The following SPECC1L variants were observed in gnomAD, a reference collection of about 807,000 sequenced individuals.
SPECC1L encodes cytospin-A.
In SPECC1L, 40 loss-of-function variants were observed where a neutral mutation model predicts 116.8. The ratio of observed to expected loss-of-function variants is 0.34; its 90% CI spans 0.27 to 0.45. SPECC1L has a LOEUF of 0.45. SPECC1L is among the 20% of genes least tolerant of loss of function. The pLI is 1.00. For missense variants in SPECC1L, 1,110 were observed against 1,373.6 expected, an observed-to-expected ratio of 0.81 and a Z score of 3.03; for synonymous variants, 504 against 500.6, an observed-to-expected ratio of 1.01 and a Z score of -0.09.
At chr22:24,306,635 C>T (rs541032403) in intron 3 of SPECC1L, among the ~76,000 whole-genome samples, 45 of 152,294 alleles carry the variant, frequency 3.0e-4, no homozygotes, top group East Asian at 2.5e-3. Context: ...TCTCCTGTGA[C>T]GGTGGGATTT....
intron 11 of SPECC1L, among the ~76,000 whole-genome samples, chr22:24,355,821 G>T: frequency 2.1e-5 from 3 of 144,526 alleles, no homozygotes; most frequent in African/African-American, 2.6e-5. Context: ...CCCTCCCCCC[G>T]TTCTGTTTTT....
At chr22:24,366,482 C>A (rs1475885772) in intron 13 of SPECC1L, among the ~76,000 whole-genome samples, 3 of 152,092 alleles carry the variant, frequency 2.0e-5, no homozygotes, top group African/African-American at 7.2e-5. Context: ...TGTGAGCCAC[C>A]GTGCCTGGCC....
chr22:24,401,978 C>T (rs146487984), intron 14 of SPECC1L, among the ~76,000 whole-genome samples: 161 of 152,102 alleles, frequency 1.1e-3, no homozygotes, highest in African/African-American at 3.7e-3. Context: ...AGCTCCACCT[C>T]GGCCGCCTGC....
intron 2 of SPECC1L, among the ~76,000 whole-genome samples, chr22:24,278,787 A>T (rs2146329652): frequency 6.6e-6 from 1 of 152,372 alleles, no homozygotes; most frequent in Middle Eastern, 3.4e-3. Context: ...AATTACTGGA[A>T]TAGGTATTAC....
chr22:24,304,388 T>C (rs890395801), intron 3 of SPECC1L: 17 of 152,348 alleles, frequency 1.1e-4, no homozygotes, highest in African/African-American at 3.6e-4. Context: ...AAGGACTCTT[T>C]TGATCCAGGA....
At chr22:24,312,837 A>T (rs1224276376) in intron 3 of SPECC1L, among the ~76,000 whole-genome samples, 1 of 152,206 alleles carries the variant, frequency 6.6e-6, no homozygotes, top group Non-Finnish European at 1.5e-5. Flanking sequence ...TTGTGACTAA[A>T]ATTTGATTAC....
intron 14 of SPECC1L, among the ~76,000 whole-genome samples, chr22:24,379,078 G>A (rs1222395622): frequency 3.3e-5 from 5 of 151,234 alleles, no homozygotes; most frequent in Admixed American, 2.0e-4. Flanking sequence ...TATAACCTAA[G>A]TTTTAAATTT....
chr22:24,380,132 A>G (rs1205376949), intron 14 of SPECC1L, among the ~76,000 whole-genome samples: 9 of 152,170 alleles, frequency 5.9e-5, no homozygotes, highest in Non-Finnish European at 4.4e-5. Context: ...CAGCCTCCCA[A>G]AGTGCTGGGA....
chr22:24,305,149 GTGTTT>G (rs1444814424), intron 3 of SPECC1L, among the ~76,000 whole-genome samples: 1 of 152,174 alleles, frequency 6.6e-6, no homozygotes, highest in African/African-American at 2.4e-5. Flanking sequence ...ATGCAGAGTT[GTGTTT>G]TGTTTTGTTT....
chr22:24,411,251 C>A (rs2042692161), intron 14 of SPECC1L, among the ~76,000 whole-genome samples: 1 of 152,194 alleles, frequency 6.6e-6, no homozygotes, highest in Non-Finnish European at 1.5e-5. Context: ...CACCCACATC[C>A]TCTGGTCTGT....
At chr22:24,365,779 T>C in intron 13 of SPECC1L, 147 bp downstream of exon 13, 1 of 844,248 alleles carries the variant, frequency 1.2e-6, no homozygotes. Context: ...ATATCCAGAA[T>C]TGAGTAAATG....
chr22:24,274,718 A>G (rs1345316972), intron 1 of SPECC1L, among the ~76,000 whole-genome samples: 2 of 152,188 alleles, frequency 1.3e-5, no homozygotes, highest in Non-Finnish European at 2.9e-5. Context: ...TTTCCAAACT[A>G]TTAATCTGTT....
chr22:24,275,529 T>G (rs2048819858), intron 1 of SPECC1L, among the ~76,000 whole-genome samples: 1 of 152,018 alleles, frequency 6.6e-6, no homozygotes, highest in Non-Finnish European at 1.5e-5. Flanking sequence ...TCACTTCCCT[T>G]TTTTCTCTTG....
intron 12 of SPECC1L, among the ~76,000 whole-genome samples, chr22:24,364,211 A>G (rs1269491229): frequency 1.3e-5 from 2 of 152,298 alleles, no homozygotes; most frequent in Non-Finnish European, 2.9e-5. Context: ...GCCTACTCCC[A>G]CTGAACAGTT....
At chr22:24,330,556 G>A (rs2040917391) in intron 8 of SPECC1L, 125 bp downstream of exon 8, 1 of 1,036,772 alleles carries the variant, frequency 9.6e-7, no homozygotes, top group Non-Finnish European at 1.5e-6. Context: ...TCTGATGGAA[G>A]TTACTCAGCT....
At chr22:24,323,013 G>A in intron 5 of SPECC1L, 95 bp downstream of exon 5, 1 of 1,532,470 alleles carries the variant, frequency 6.5e-7, no homozygotes, top group Non-Finnish European at 8.7e-7. Flanking sequence ...TTGGTTTGGT[G>A]TGTTATTAGC....
In SPECC1L at chr22:24,381,364, C is replaced by T. The variant is rs532840655; in HGVS notation, c.3087+12044C>T. Among the ~76,000 whole-genome samples the T allele has an allele frequency of 3.9e-5, 6 of 152,124 alleles. No individual in the cohort carries two copies. In the South Asian group the frequency reaches 6.2e-4, roughly 16 times the overall value. On this transcript the variant is annotated intron_variant, in intron 14 of 16. Transcript: ENST00000314328. The stretch of plus-strand genomic sequence containing the variant: ...GTACAAAATAGTTTAAATAAATGAA[C>T]AAAATATTTTAGTGCTGCCTGAGGT...
At position 24,327,057 on chromosome 22, in the gene SPECC1L, A is replaced by G. The variant is rs560152011; in HGVS notation, c.2147-1789A>G. On this transcript the variant is annotated intron_variant, in intron 6 of 16. Coordinates refer to ENST00000314328, the MANE Select transcript of SPECC1L (RefSeq NM_015330.6). ...CACTTTGGGAGGCCGAGGCGGGTGG[A>G]TCATGAGGTCAGGAGTTCAAGACCA... is the stretch of plus-strand genomic sequence containing the variant. Among the ~76,000 whole-genome samples, 167 of 152,056 alleles carry G rather than the reference A, an allele frequency of 1.1e-3. 1 individual carries two copies. The highest frequency in any genetic ancestry group is 3.5e-3 in the African/African-American group (147 of 41,498).
At chr22:24,273,380 A>G (rs1441224467) in intron 1 of SPECC1L, among the ~76,000 whole-genome samples, 5 of 152,256 alleles carry the variant, frequency 3.3e-5, no homozygotes, top group Admixed American at 1.3e-4. Flanking sequence ...AATTTATTCA[A>G]TTGAAGGACT....
Sources: allele counts gnomAD v4.1 joint callset (sites outside exome capture counted in the v4.1 genomes callset), GRCh38; gene constraint gnomAD v4.1.1; transcripts MANE v1.5; gene names NCBI Gene and HGNC (gene_info 2026-07-23, HGNC 2026-07-21).